Variants in NRXN3 observed in about 807,000 individuals in gnomAD.
NRXN3 encodes neurexin 3.
NRXN3 carries 32 observed loss-of-function variants against 137.6 expected under a neutral mutation model. The observed-to-expected ratio is 0.23, with a 90% CI of 0.18 to 0.31. The LOEUF (loss-of-function observed/expected upper bound fraction) is 0.31. Ranked by LOEUF, NRXN3 falls within the 10% of genes least tolerant of loss-of-function variation. The pLI, the probability that NRXN3 is intolerant of heterozygous loss-of-function variation, is 1.00. For synonymous variants in NRXN3, 798 were observed against 784.5 expected (o/e 1.02, Z -0.29); for missense variants, 1,574 against 2,062.5 (o/e 0.76, Z 4.59).
At chr14:78,611,336 T>G (rs2097298762) in intron 4 of NRXN3, among the ~76,000 whole-genome samples, 1 of 152,118 alleles carries the variant, frequency 6.6e-6, no homozygotes, top group Non-Finnish European at 1.5e-5. Context: ...TTTTGTTCCC[T>G]CATTTCCATG....
intron 10 of NRXN3, among the ~76,000 whole-genome samples, chr14:78,943,654 A>C (rs1427012753): frequency 2.7e-5 from 2 of 74,850 alleles, no homozygotes; most frequent in Non-Finnish European, 5.0e-5. Context: ...ATATATATAT[A>C]TATATATATA....
intron 15 of NRXN3, among the ~76,000 whole-genome samples, chr14:79,149,834 TAACA>T (rs1568434478): frequency 6.6e-6 from 1 of 151,636 alleles, no homozygotes; most frequent in Admixed American, 6.6e-5. Context: ...GGGAGGGGAA[TAACA>T]AACAGTGGGG....
In NRXN3 at chr14:78,390,071, T is replaced by C. The variant is rs991939915; in HGVS notation, c.757+92211T>C. ...TCAGTTAATCTTTCACTGATGCTTG[T>C]GTCAGTATTACACTGTTTTAGTTAT... On this transcript the variant is annotated intron_variant, in intron 4 of 20. Coordinates refer to ENST00000335750, the MANE Select transcript of NRXN3 (RefSeq NM_001330195.2). 2.6e-5 allele frequency among the ~76,000 whole-genome samples: 4 copies of C among 152,346 alleles called. No individual in the cohort carries two copies. In the East Asian group the frequency reaches 7.7e-4, roughly 29 times the overall value.
At chr14:79,280,345 G>T in intron 15 of NRXN3, 1 of 1,614,044 alleles carries the variant, frequency 6.2e-7, no homozygotes, top group South Asian at 1.1e-5. Flanking sequence ...CGGCCTGGAC[G>T]CTTGGGATCT....
At chr14:78,625,124 G>A (rs985818128) in intron 4 of NRXN3, among the ~76,000 whole-genome samples, 4 of 152,198 alleles carry the variant, frequency 2.6e-5, no homozygotes, top group Non-Finnish European at 5.9e-5. Flanking sequence ...ACAGGCGTGA[G>A]CCACCGCACC....
At chr14:79,070,956 T>C (rs1177381061) in intron 15 of NRXN3, among the ~76,000 whole-genome samples, 1 of 152,194 alleles carries the variant, frequency 6.6e-6, no homozygotes. Context: ...AGCCGTAGTG[T>C]ATTAAGGCTA....
intron 15 of NRXN3, among the ~76,000 whole-genome samples, chr14:79,016,124 G>C (rs983183940): frequency 6.6e-6 from 1 of 152,126 alleles, no homozygotes; most frequent in African/African-American, 2.4e-5. Flanking sequence ...AGCTGAGAGG[G>C]CTTTCTGTGA....
At chr14:78,724,723 G>T (rs964468256) in intron 8 of NRXN3, among the ~76,000 whole-genome samples, 1 of 152,188 alleles carries the variant, frequency 6.6e-6, no homozygotes, top group Non-Finnish European at 1.5e-5. Context: ...CCAGTAATTT[G>T]TTCTAACTGA....
intron 10 of NRXN3, among the ~76,000 whole-genome samples, chr14:78,905,114 C>A (rs2099211255): frequency 6.6e-6 from 1 of 151,996 alleles, no homozygotes; most frequent in South Asian, 2.1e-4. Context: ...TGGCCTGCAC[C>A]CTGTCATCTT....
chr14:78,615,478 G>GC (rs923175146), intron 4 of NRXN3, among the ~76,000 whole-genome samples: 1 of 151,916 alleles, frequency 6.6e-6, no homozygotes, highest in African/African-American at 2.4e-5. Context: ...TGTTGTGGTG[G>GC]CGGGTGCCTG....
intron 15 of NRXN3, among the ~76,000 whole-genome samples, chr14:79,352,849 G>T (rs2093273366): frequency 6.6e-6 from 1 of 152,048 alleles, no homozygotes; most frequent in African/African-American, 2.4e-5. Context: ...CAGTTCAGAA[G>T]CTCAAAATTT....
At chr14:79,418,946 G>A (rs893983581) in intron 15 of NRXN3, among the ~76,000 whole-genome samples, 31 of 152,036 alleles carry the variant, frequency 2.0e-4, no homozygotes, top group African/African-American at 7.0e-4. Context: ...TGTTAACTAT[G>A]GGCAAAAAAG....
chr14:79,013,110 G>A (rs1474721552), intron 15 of NRXN3, among the ~76,000 whole-genome samples: 1 of 152,076 alleles, frequency 6.6e-6, no homozygotes, highest in East Asian at 1.9e-4. Flanking sequence ...TTTCAGCTTT[G>A]CCTGTATGAA....
At chr14:79,137,833 G>T (rs2058399552) in intron 15 of NRXN3, among the ~76,000 whole-genome samples, 1 of 152,032 alleles carries the variant, frequency 6.6e-6, no homozygotes, top group Admixed American at 6.6e-5. Flanking sequence ...TAGGGTATAG[G>T]ACAGGACGAG....
intron 15 of NRXN3, among the ~76,000 whole-genome samples, chr14:79,259,840 A>T (rs1394077174): frequency 6.6e-6 from 1 of 151,914 alleles, no homozygotes; most frequent in African/African-American, 2.4e-5. Context: ...ATCTACATGG[A>T]GCACTGAACT....
chr14:79,032,887 A>G (rs1471975197), intron 15 of NRXN3, among the ~76,000 whole-genome samples: 1 of 152,192 alleles, frequency 6.6e-6, no homozygotes, highest in Non-Finnish European at 1.5e-5. Flanking sequence ...TCTGTGAAAC[A>G]GGGATAATAA....
intron 4 of NRXN3, among the ~76,000 whole-genome samples, chr14:78,369,000 A>G (rs970305231): frequency 6.6e-6 from 1 of 152,144 alleles, no homozygotes; most frequent in Non-Finnish European, 1.5e-5. Flanking sequence ...CCACAGATGA[A>G]TGGGAATACT....
chr14:79,287,989 C>T (rs936023041), intron 15 of NRXN3, among the ~76,000 whole-genome samples: 1 of 152,100 alleles, frequency 6.6e-6, no homozygotes, highest in African/African-American at 2.4e-5. Flanking sequence ...AAATGTTTTC[C>T]AGCACTGGAA....
intron 17 of NRXN3, among the ~76,000 whole-genome samples, chr14:79,681,926 T>C (rs557444478): frequency 1.2e-4 from 18 of 152,264 alleles, no homozygotes; most frequent in Non-Finnish European, 8.8e-5. Context: ...TTTTTGAAAT[T>C]AATCTTGATT....
Sources: allele counts gnomAD v4.1 joint callset (sites outside exome capture counted in the v4.1 genomes callset), GRCh38; gene constraint gnomAD v4.1.1; transcripts MANE v1.5; gene names NCBI Gene and HGNC (gene_info 2026-07-23, HGNC 2026-07-21).